The following VWF variants were observed in gnomAD, a reference collection of about 807,000 sequenced individuals.
VWF encodes Factor VIII related antigen.
A neutral mutation model predicts 308.6 loss-of-function variants in VWF; 176 were observed. The observed-to-expected ratio is 0.57, with a 90% CI of 0.50 to 0.65. The LOEUF (loss-of-function observed/expected upper bound fraction) is 0.65, where lower values mean the gene tolerates loss of function less well. Among genes scored for constraint, VWF ranks in the 30% least tolerant of loss-of-function variants. The pLI is 0.00. For synonymous variants in VWF, 1,385 were observed against 1,443.4 expected (o/e 0.96, Z 0.92); for missense variants, 3,146 against 3,648.2 (o/e 0.86, Z 3.55).
In VWF at chr12:6,024,476, C is replaced by T. The variant is rs748509169; in HGVS notation, c.3223-689G>A. ...CTCCCCTGTCCTCACTCTTCCAACTCAGATGCCCAGGATTTCCACCAAACC... is the reference window on the plus strand; with the variant it reads ...CTCCCCTGTCCTCACTCTTCCAACTTAGATGCCCAGGATTTCCACCAAACC... On this transcript the variant is annotated intron_variant, in intron 24 of 51. Transcript: ENST00000261405. This position sits in a 1 kb window ranked among gnomAD's most constrained non-coding sequence, Gnocchi z 4.0. 6.6e-6 allele frequency among the ~76,000 whole-genome samples: 1 copy of T among 152,262 alleles called. No homozygotes were observed. The highest frequency in any genetic ancestry group is 1.5e-5 in the Non-Finnish European group (1 of 68,046).
chr12:5,950,728 G>C (rs1036477095), intron 50 of VWF, among the ~76,000 whole-genome samples: 3 of 151,980 alleles, frequency 2.0e-5, no homozygotes, highest in African/African-American at 7.2e-5. Context: ...CCCTGAGCCT[G>C]GCTTATTGTC....
intron 34 of VWF, among the ~76,000 whole-genome samples, chr12:5,997,327 G>A (rs2136388882): frequency 6.6e-6 from 1 of 152,334 alleles, no homozygotes; most frequent in South Asian, 2.1e-4. Flanking sequence ...TCACGTCAAG[G>A]AGTCAGCCCA....
intron 19 of VWF, among the ~76,000 whole-genome samples, chr12:6,035,341 G>GT (rs1944324037): frequency 1.3e-5 from 2 of 152,218 alleles, no homozygotes; most frequent in Admixed American, 6.5e-5. Flanking sequence ...ACGTTAAGAT[G>GT]TATGTAGCTA....
At chr12:5,993,488 A>G (rs1027593231) in intron 37 of VWF, among the ~76,000 whole-genome samples, 3 of 152,182 alleles carry the variant, frequency 2.0e-5, no homozygotes, top group Non-Finnish European at 4.4e-5. Context: ...GACTGGTTAC[A>G]CAGCCCTTTA....
chr12:5,983,111 A>G, intron 41 of VWF, 39 bp downstream of exon 41: 1 of 1,579,464 alleles, frequency 6.3e-7, no homozygotes, highest in Non-Finnish European at 8.7e-7. Flanking sequence ...ACCAGCAGAG[A>G]GAGGCCACAC....
At chr12:6,106,050 T>C (rs946744399) in intron 5 of VWF, among the ~76,000 whole-genome samples, 19 of 151,830 alleles carry the variant, frequency 1.3e-4, no homozygotes, top group African/African-American at 4.6e-4. Flanking sequence ...TCAAAAAAAA[T>C]AAAGAAGAAT....
intron 42 of VWF, among the ~76,000 whole-genome samples, chr12:5,980,345 A>G (rs1943591841): frequency 6.6e-6 from 1 of 151,644 alleles, no homozygotes; most frequent in African/African-American, 2.4e-5. Flanking sequence ...TTGCCTCCCT[A>G]CTGCATTGAC....
In VWF at chr12:6,058,757, C is replaced by T. The variant is rs143436213; in HGVS notation, c.1534-713G>A. On this transcript the variant is annotated intron_variant, in intron 13 of 51. Coordinates refer to ENST00000261405, the MANE Select transcript of VWF (RefSeq NM_000552.5). This position sits in a 1 kb window ranked among gnomAD's most constrained non-coding sequence, Gnocchi z 4.9. ...CAGCAAAGCAGCGGCACAGTTCAAA[C>T]TCCAGGCCATGAGCATGTGGTTTAC... Among the ~76,000 whole-genome samples the T allele has an allele frequency of 7.5e-4, 115 of 152,338 alleles. 1 individual carries two copies. The East Asian group carries it at 0.021, about 28-fold the overall frequency.
chr12:6,016,832 C>A lies in VWF; in HGVS notation c.5092G>T (p.Gly1698Cys), dbSNP rs760973223. The A allele has an allele frequency of 6.2e-7, 1 of 1,613,980 alleles. No homozygotes were observed. Among genetic ancestry groups the A allele is most frequent in the Non-Finnish European group, 8.5e-7 (1 of 1,180,042 alleles). Reference protein sequence around the residue: ...QPLDVILLLDGSSSFPASYFD... With the variant: ...QPLDVILLLDCSSSFPASYFD... ...TAAGAAGCTGGGAAACTGGAGGAGC[C>A]ATCCAGGAGAAGGATCACGTCCAGG... Residue 1698 changes from glycine (G) to cysteine (C), a missense_variant, in exon 29 of 52, where the codon GGC (glycine) becomes TGC (cysteine). Transcript: ENST00000261405.
chr12:6,092,653 G>T (rs1031485583), intron 6 of VWF, among the ~76,000 whole-genome samples: 2 of 148,932 alleles, frequency 1.3e-5, no homozygotes, highest in Non-Finnish European at 3.0e-5. Flanking sequence ...GTGTGTGTGT[G>T]TGTGTGTGTG....
intron 14 of VWF, 90 bp from the exon 15 acceptor site, chr12:6,057,162 T>A: frequency 8.0e-7 from 1 of 1,243,410 alleles, no homozygotes; most frequent in Non-Finnish European, 1.1e-6. Context: ...AATAGCCCAG[T>A]GCTGCTAATA....
chr12:6,028,719 T>C (rs1383513049), intron 22 of VWF, among the ~76,000 whole-genome samples: 2 of 152,194 alleles, frequency 1.3e-5, no homozygotes, highest in Non-Finnish European at 2.9e-5. Flanking sequence ...CTGAGAGATT[T>C]TGTCACCACC....
In VWF at chr12:5,951,843, CAT is replaced by C; in HGVS notation, c.8154_8155del (p.Cys2719Ter). 6.2e-7 allele frequency: 1 copy of C among 1,614,222 alleles called. No individual in the cohort carries two copies. Among genetic ancestry groups the C allele is most frequent in the Non-Finnish European group, 8.5e-7 (1 of 1,180,028 alleles). Reference sequence around the variant, plus strand: ...GGACAAGATATTAGTAACGCACTCACATGTGTCACAGCAGGTGCCTGGAATTT... The same window carrying C: ...GGACAAGATATTAGTAACGCACTCACGTGTCACAGCAGGTGCCTGGAATTT... On this transcript the variant is annotated frameshift_variant and splice_region_variant, in exon 50 of 52. Coordinates refer to ENST00000261405, the MANE Select transcript of VWF (RefSeq NM_000552.5). LOFTEE classifies it high-confidence loss of function.
At chr12:5,989,308 T>A (rs1433377021) in intron 38 of VWF, among the ~76,000 whole-genome samples, 1 of 152,260 alleles carries the variant, frequency 6.6e-6, no homozygotes, top group East Asian at 1.9e-4. Flanking sequence ...AATAGTTTTA[T>A]ACCCTAGTTT....
chr12:5,996,242 G>A lies in VWF; in HGVS notation c.5843-20C>T, dbSNP rs1260798632. On this transcript the variant is annotated intron_variant, in intron 34 of 51. Coordinates refer to ENST00000261405, the MANE Select transcript of VWF (RefSeq NM_000552.5). The stretch of plus-strand genomic sequence containing the variant: ...ACACGCCTGGACAGAGAGAAGCAGA[G>A]GATGGATGCGACGTTATCCAAACCC... 1.9e-6 allele frequency: 3 copies of A among 1,598,230 alleles called. No individual in the cohort carries two copies. Among genetic ancestry groups the A allele is most frequent in the East Asian group, 2.3e-5 (1 of 44,342 alleles).
intron 3 of VWF, among the ~76,000 whole-genome samples, chr12:6,116,867 G>C (rs1181832639): frequency 6.6e-6 from 1 of 152,142 alleles, no homozygotes; most frequent in Non-Finnish European, 1.5e-5. Flanking sequence ...TGCGATTTAC[G>C]GTCAAGGAGA....
Position 6,065,182 on chromosome 12 carries a change from C to T in VWF, c.1248G>A (p.Arg416=), listed in dbSNP as rs1944699034. ...TGGAGAAGGAGTGGTCCTGGCAATC[C>T]CGGGCCAGCAGGTACTGGCAGATCC... ...FSGICQYLLA[R]DCQDHSFSIV... is the part of the protein sequence containing the mutation. Residue 416 remains arginine (R), a synonymous_variant, in exon 11 of 52, where the codon CGG becomes CGA. Coordinates refer to ENST00000261405, the MANE Select transcript of VWF (RefSeq NM_000552.5). The T allele has an allele frequency of 6.2e-7, 1 of 1,614,184 alleles. No homozygotes were observed. The highest frequency in any genetic ancestry group is 8.5e-7 in the Non-Finnish European group (1 of 1,180,034).
intron 6 of VWF, among the ~76,000 whole-genome samples, chr12:6,089,728 T>C (rs1187027831): frequency 6.6e-6 from 1 of 152,148 alleles, no homozygotes; most frequent in Non-Finnish European, 1.5e-5. Flanking sequence ...TGCACTGGGC[T>C]ATGTTTGCAA....
At chr12:6,123,470 C>T (rs563521032) in intron 1 of VWF, among the ~76,000 whole-genome samples, 20 of 152,290 alleles carry the variant, frequency 1.3e-4, no homozygotes, top group Admixed American at 7.8e-4. Flanking sequence ...AGGAGGAAAA[C>T]GCTGCCTTCC....
Sources: gnomAD v4.1 joint callset for allele counts (sites outside exome capture counted in the v4.1 genomes callset) on GRCh38, gnomAD v4.1.1 for gene constraint, Gnocchi (gnomAD v3.1) non-coding constraint, MANE v1.5 for transcripts, NCBI Gene and HGNC (gene_info 2026-07-23, HGNC 2026-07-21) for gene names.